The following LOXHD1 variants were observed in gnomAD, a reference collection of about 807,000 sequenced individuals.
LOXHD1 encodes the protein lipoxygenase homology PLAT domains 1.
LOXHD1 carries 205 observed loss-of-function variants against 248.2 expected under a neutral mutation model. That is an observed-to-expected ratio of 0.83 (90% CI 0.74 to 0.93). The LOEUF is 0.93. Ranked by LOEUF, LOXHD1 falls within the 40% of genes least tolerant of loss-of-function variation. LOXHD1 has a pLI of 0.00. For synonymous variants in LOXHD1, 1,113 were observed against 1,162.8 expected (o/e 0.96, Z 0.87); for missense variants, 2,930 against 2,971.6 (o/e 0.99, Z 0.33).
chr18:46,557,537 C>G (rs549838219), intron 20 of LOXHD1, 48 bp from the exon 21 acceptor site: 2 of 1,549,544 alleles, frequency 1.3e-6, no homozygotes, highest in Non-Finnish European at 1.7e-6. Flanking sequence ...TACCCCTCCC[C>G]ACATGGCCAT....
Position 46,542,930 on chromosome 18 carries a change from T to C in LOXHD1, c.3620-75A>G, listed in dbSNP as rs371397434. On this transcript the variant is annotated intron_variant, in intron 23 of 40. Transcript: ENST00000642948. ...AGCCTAGTCAGACCCAAACCTTTAA[T>C]CCCTTTTCAAAATGACCAAATTTCT... The C allele has an allele frequency of 1.3e-5, 20 of 1,533,666 alleles. No homozygotes were observed. In the African/African-American group the frequency reaches 2.8e-4, roughly 21 times the overall value.
chr18:46,596,015 G>C (rs912735222), intron 8 of LOXHD1, among the ~76,000 whole-genome samples: 4 of 152,114 alleles, frequency 2.6e-5, no homozygotes, highest in Non-Finnish European at 5.9e-5. Context: ...GTTCTAGAAG[G>C]TTAAAGGTTA....
chr18:46,656,414 GGCC>G (rs1195075829), intron 1 of LOXHD1, among the ~76,000 whole-genome samples: 1 of 152,116 alleles, frequency 6.6e-6, no homozygotes, highest in African/African-American at 2.4e-5. Flanking sequence ...CCAGAGCACC[GGCC>G]GCCTTCGACA....
intron 5 of LOXHD1, among the ~76,000 whole-genome samples, chr18:46,617,746 C>T (rs1176777457): frequency 6.6e-6 from 1 of 152,182 alleles, no homozygotes; most frequent in Non-Finnish European, 1.5e-5. Context: ...TTCTTGCTTT[C>T]CCTGTGAGGC....
chr18:46,516,274 G>A (rs536541561), intron 34 of LOXHD1, among the ~76,000 whole-genome samples: 1 of 152,240 alleles, frequency 6.6e-6, no homozygotes, highest in South Asian at 2.1e-4. Flanking sequence ...GGTGTTGTGA[G>A]TTAATATATA....
intron 1 of LOXHD1, among the ~76,000 whole-genome samples, chr18:46,652,108 A>G (rs1437431981): frequency 6.6e-6 from 1 of 152,254 alleles, no homozygotes; most frequent in Admixed American, 6.5e-5. Flanking sequence ...AGTGCATTCT[A>G]TGCACAAGTC....
chr18:46,523,238 C>T (rs530566143), intron 31 of LOXHD1, among the ~76,000 whole-genome samples: 7 of 152,304 alleles, frequency 4.6e-5, no homozygotes, highest in Non-Finnish European at 5.9e-5. Context: ...TAAGCCACCA[C>T]GCCTGGCCAG....
chr18:46,604,048 G>A (rs9958924), intron 7 of LOXHD1, 58 bp downstream of exon 7: 25 of 1,546,192 alleles, frequency 1.6e-5, no homozygotes, highest in Admixed American at 9.8e-5. Context: ...GATGCCAACA[G>A]CGACCCTTAG....
intron 5 of LOXHD1, among the ~76,000 whole-genome samples, chr18:46,617,851 G>T (rs934019637): frequency 6.6e-6 from 1 of 152,184 alleles, no homozygotes. Context: ...TATAATTCAA[G>T]ATGGGCATGA....
chr18:46,603,253 G>A (rs180763747), intron 7 of LOXHD1, among the ~76,000 whole-genome samples: 4 of 152,208 alleles, frequency 2.6e-5, no homozygotes, highest in Admixed American at 2.6e-4. Flanking sequence ...AGGTTCCGAG[G>A]ATAGAGAGAG....
chr18:46,477,106 T>C, downstream of LOXHD1: 1 of 711,412 alleles, frequency 1.4e-6, no homozygotes, highest in South Asian at 1.5e-5. Context: ...AAAGTGTTAA[T>C]TAGTTTTTGC....
chr18:46,649,493 G>A (rs573751305), intron 1 of LOXHD1, among the ~76,000 whole-genome samples: 1 of 152,328 alleles, frequency 6.6e-6, no homozygotes, highest in South Asian at 2.1e-4. Context: ...ACACGAGGAG[G>A]CTGAGGGCAA....
At chr18:46,522,936 G>A (rs559023248) in intron 31 of LOXHD1, among the ~76,000 whole-genome samples, 6 of 152,108 alleles carry the variant, frequency 3.9e-5, no homozygotes, top group African/African-American at 1.2e-4. Context: ...TAGGTTTCTG[G>A]GGAAATCTTT....
At chr18:46,514,736 T>A (rs558220249) in intron 34 of LOXHD1, among the ~76,000 whole-genome samples, 1 of 152,244 alleles carries the variant, frequency 6.6e-6, no homozygotes, top group South Asian at 2.1e-4. Context: ...AGCAGAACTC[T>A]TTTGTGACAC....
chr18:46,569,441 C>T lies in LOXHD1; in HGVS notation c.2244+1G>A, dbSNP rs1296156738. ...CACATGGTCTTGGGAAGGAGACTTA[C>T]ATTTCCAATGTTCAGGGTCTCGAGG... On this transcript the variant is annotated splice_donor_variant, in intron 16 of 40. Transcript: ENST00000642948. LOFTEE classifies it high-confidence loss of function. 4 of 1,551,374 alleles carry T rather than the reference C, an allele frequency of 2.6e-6. No individual in the cohort carries two copies. The highest frequency in any genetic ancestry group is 3.4e-4 in the Middle Eastern group (2 of 5,964).
At chr18:46,650,088 C>T (rs2039089255) in intron 1 of LOXHD1, among the ~76,000 whole-genome samples, 2 of 152,094 alleles carry the variant, frequency 1.3e-5, no homozygotes, top group Admixed American at 1.3e-4. Flanking sequence ...CTGCCACCAG[C>T]CACCCTAGAG....
At chr18:46,528,815 C>T (rs1013380019) in intron 29 of LOXHD1, among the ~76,000 whole-genome samples, 2 of 152,230 alleles carry the variant, frequency 1.3e-5, no homozygotes, top group African/African-American at 2.4e-5. Flanking sequence ...TCTGTCAGCA[C>T]AGCCCCTGCC....
chr18:46,555,301 T>A (rs866973343), intron 21 of LOXHD1: 1 of 421,332 alleles, frequency 2.4e-6, no homozygotes, highest in Admixed American at 2.7e-5. Flanking sequence ...CCCATAAAGA[T>A]GGCATGACTT....
rs369039902 is a variant in LOXHD1, at chr18:46,577,733, G to A, written c.1944C>T (p.Ser648=). ...TGAGACATGGGAACTCCACGTTGTC[G>A]CTCTCAGGCTGCCCCTCCTCTCTCA... ...VLVREEGQPE[S]DNVEFPCLRW... Residue 648 remains serine, a synonymous_variant, in exon 14 of 41, where the codon AGC becomes AGT. Coordinates refer to ENST00000642948, the MANE Select transcript of LOXHD1 (RefSeq NM_001384474.1). 4.7e-4 allele frequency: 735 copies of A among 1,551,448 alleles called. 6 individuals are homozygous for A. The highest frequency in any genetic ancestry group is 3.9e-3 in the South Asian group (324 of 84,046).
Sources: gnomAD v4.1 joint callset for allele counts (sites outside exome capture counted in the v4.1 genomes callset) on GRCh38, gnomAD v4.1.1 for gene constraint, MANE v1.5 for transcripts, NCBI Gene and HGNC (gene_info 2026-07-23, HGNC 2026-07-21) for gene names.